BRINP3: variants seen among roughly 807,000 people sequenced by gnomAD.
BRINP3 encodes the protein BMP/retinoic acid inducible neural specific 3, also known as BMP/retinoic acid-inducible neural-specific protein 3.
A neutral mutation model predicts 71.0 loss-of-function variants in BRINP3; 19 were observed. The ratio of observed to expected loss-of-function variants is 0.27; its 90% confidence interval spans 0.19 to 0.39. BRINP3 has a LOEUF of 0.39. Among genes scored for constraint, BRINP3 ranks in the 10% least tolerant of loss-of-function variants. The probability of loss-of-function intolerance (pLI) is 1.00; values close to 1 mark genes in which losing one functional copy is unlikely to be tolerated. For missense variants in BRINP3, 959 were observed against 940.8 expected (o/e 1.02, Z -0.25); for synonymous variants, 380 against 337.7 (o/e 1.13, Z -1.37).
chr1:190,461,443 C>A (rs774386323), intron 1 of BRINP3, among the ~76,000 whole-genome samples: 7 of 152,082 alleles, frequency 4.6e-5, no homozygotes, highest in Non-Finnish European at 1.0e-4. Flanking sequence ...TTTATGCTCC[C>A]ATTACTTTCC....
chr1:190,190,330 G>A (rs1001853027), intron 6 of BRINP3, among the ~76,000 whole-genome samples: 1 of 152,124 alleles, frequency 6.6e-6, no homozygotes, highest in Non-Finnish European at 1.5e-5. Flanking sequence ...ACACAGGACT[G>A]CTTGGTTTTG....
At chr1:190,219,645 C>G (rs918860662) in intron 6 of BRINP3, among the ~76,000 whole-genome samples, 1 of 151,806 alleles carries the variant, frequency 6.6e-6, no homozygotes, top group Non-Finnish European at 1.5e-5. Flanking sequence ...CGAGACCATC[C>G]TGGCCAACAT....
intron 2 of BRINP3, among the ~76,000 whole-genome samples, chr1:190,360,487 T>A (rs2102117053): frequency 6.6e-6 from 1 of 152,300 alleles, no homozygotes; most frequent in South Asian, 2.1e-4. Flanking sequence ...CTATAAATCA[T>A]ATCTAAGTGT....
intron 7 of BRINP3, among the ~76,000 whole-genome samples, chr1:190,144,880 G>T (rs1655755139): frequency 6.6e-6 from 1 of 152,076 alleles, no homozygotes; most frequent in Admixed American, 6.6e-5. Flanking sequence ...TGAACATGCT[G>T]CTGTTCAGTC....
At chr1:190,396,710 A>ATATATATATATATATAT (rs1219378959) in intron 2 of BRINP3, among the ~76,000 whole-genome samples, 1 of 109,152 alleles carries the variant, frequency 9.2e-6, no homozygotes, top group African/African-American at 3.4e-5. Flanking sequence ...TTCCTAATTT[A>ATATATATATATATATAT]ATGATATATA....
At chr1:190,374,793 G>T (rs1325553832) in intron 2 of BRINP3, among the ~76,000 whole-genome samples, 1 of 151,870 alleles carries the variant, frequency 6.6e-6, no homozygotes, top group Non-Finnish European at 1.5e-5. Flanking sequence ...AATCACAAAA[G>T]CAGAATGAGA....
chr1:190,203,990 T>G, intron 6 of BRINP3, among the ~76,000 whole-genome samples: 1 of 151,174 alleles, frequency 6.6e-6, no homozygotes, highest in East Asian at 2.0e-4. Context: ...CTTGAGGATA[T>G]TTACAGTTGT....
At chr1:190,224,321 CAT>C (rs1019997354) in intron 6 of BRINP3, among the ~76,000 whole-genome samples, 1 of 151,504 alleles carries the variant, frequency 6.6e-6, no homozygotes, top group Non-Finnish European at 1.5e-5. Context: ...AATAGAGAAC[CAT>C]ATATATATCC....
At chr1:190,196,638 T>C (rs1654503902) in intron 6 of BRINP3, among the ~76,000 whole-genome samples, 1 of 152,062 alleles carries the variant, frequency 6.6e-6, no homozygotes. Flanking sequence ...TCCACAGTGG[T>C]TGGCCACATT....
intron 6 of BRINP3, among the ~76,000 whole-genome samples, chr1:190,173,433 T>C (rs1008031926): frequency 1.3e-5 from 2 of 152,172 alleles, no homozygotes; most frequent in East Asian, 1.9e-4. Context: ...GCAGCCACAC[T>C]GTAACCATGA....
At chr1:190,278,118 C>A (rs1183957516) in intron 3 of BRINP3, among the ~76,000 whole-genome samples, 3 of 151,478 alleles carry the variant, frequency 2.0e-5, no homozygotes, top group Non-Finnish European at 4.4e-5. Flanking sequence ...GGGGAAAAAG[C>A]CATTTTTCAT....
At chr1:190,238,285 T>C (rs1466875270) in intron 4 of BRINP3, among the ~76,000 whole-genome samples, 2 of 152,002 alleles carry the variant, frequency 1.3e-5, no homozygotes, top group African/African-American at 2.4e-5. Context: ...ACATTTAATA[T>C]AAGAATTGAT....
chr1:190,178,059 A>ATGCT (rs1652704532), intron 6 of BRINP3, among the ~76,000 whole-genome samples: 1 of 152,194 alleles, frequency 6.6e-6, no homozygotes, highest in African/African-American at 2.4e-5. Flanking sequence ...GCCATTTTAT[A>ATGCT]TAAGAGACTT....
At chr1:190,280,163 G>A (rs985923109) in intron 3 of BRINP3, among the ~76,000 whole-genome samples, 1 of 151,772 alleles carries the variant, frequency 6.6e-6, no homozygotes, top group African/African-American at 2.4e-5. Flanking sequence ...GGGTTCACTG[G>A]GCACTATTGA....
At chr1:190,259,240 A>G (rs887544378) in intron 4 of BRINP3, among the ~76,000 whole-genome samples, 23 of 151,310 alleles carry the variant, frequency 1.5e-4, no homozygotes, top group South Asian at 2.1e-4. Flanking sequence ...ACCAATCCTC[A>G]GCAAACTACT....
Position 190,173,582 on chromosome 1 carries a change from T to A in BRINP3, c.962-12692A>T, listed in dbSNP as rs1472763877. ...GAGAAATAAAGAGCAAGAATGGAAG[T>A]CTTTAAAGCAATAATTCCTAAATTG... On this transcript the variant is annotated intron_variant, in intron 6 of 7. Coordinates refer to ENST00000367462, the MANE Select transcript of BRINP3 (RefSeq NM_199051.3). Among the ~76,000 whole-genome samples, 2 of 152,160 alleles carry A rather than the reference T, an allele frequency of 1.3e-5. 1 individual carries two copies. The highest frequency in any genetic ancestry group is 3.9e-4 in the East Asian group (2 of 5,192).
chr1:190,308,273 T>C (rs1191710585), intron 2 of BRINP3, among the ~76,000 whole-genome samples: 4 of 152,076 alleles, frequency 2.6e-5, no homozygotes, highest in African/African-American at 7.2e-5. Context: ...AGAACACTTG[T>C]ATATCTTGAA....
intron 6 of BRINP3, among the ~76,000 whole-genome samples, chr1:190,196,782 T>C (rs975902053): frequency 6.6e-6 from 1 of 151,972 alleles, no homozygotes; most frequent in Non-Finnish European, 1.5e-5. Context: ...AGATCCATGT[T>C]TGTCTCATTT....
At chr1:190,330,312 T>C (rs75166355) in intron 2 of BRINP3, among the ~76,000 whole-genome samples, 4 of 151,866 alleles carry the variant, frequency 2.6e-5, no homozygotes, top group Non-Finnish European at 5.9e-5. Flanking sequence ...CCATTAAAAA[T>C]GGGCAAAATA....
Sources: gnomAD v4.1 joint callset for allele counts (sites outside exome capture counted in the v4.1 genomes callset) on GRCh38, gnomAD v4.1.1 for gene constraint, MANE v1.5 for transcripts, NCBI Gene and HGNC (gene_info 2026-07-23, HGNC 2026-07-21) for gene names.